ERN1: variants seen among roughly 807,000 people sequenced by gnomAD.
ERN1 encodes the protein endoplasmic reticulum to nucleus signaling 1.
Under a neutral mutation model 113.1 loss-of-function variants are expected in ERN1, and 39 were observed. The ratio of observed to expected loss-of-function variants is 0.34; its 90% CI spans 0.27 to 0.45. ERN1 has a LOEUF of 0.45. ERN1 is among the 20% of genes least tolerant of loss of function. The pLI is 1.00. For missense variants in ERN1, 976 were observed against 1,274.8 expected (o/e 0.77, Z 3.57); for synonymous variants, 507 against 515.9 (o/e 0.98, Z 0.23).
chr17:64,124,903 T>C (rs1390637414), intron 1 of ERN1, among the ~76,000 whole-genome samples: 1 of 152,194 alleles, frequency 6.6e-6, no homozygotes, highest in East Asian at 1.9e-4. Flanking sequence ...ATTCCATTTA[T>C]ATAAGAGGTC....
At chr17:64,127,772 A>G (rs1421148017) in intron 1 of ERN1, among the ~76,000 whole-genome samples, 2 of 151,410 alleles carry the variant, frequency 1.3e-5, no homozygotes, top group Admixed American at 6.6e-5. Flanking sequence ...AAAAAAAAAA[A>G]AAGAAGTAGT....
intron 2 of ERN1, among the ~76,000 whole-genome samples, chr17:64,097,586 G>C (rs1914264446): frequency 6.6e-6 from 1 of 152,168 alleles, no homozygotes; most frequent in African/African-American, 2.4e-5. Context: ...AGGAAGATCA[G>C]ATCATAACAT....
intron 2 of ERN1, among the ~76,000 whole-genome samples, chr17:64,083,132 G>A (rs753874793): frequency 2.0e-5 from 3 of 152,032 alleles, no homozygotes; most frequent in Non-Finnish European, 4.4e-5. Flanking sequence ...ATTATACGGG[G>A]GGCGGGGAGG....
chr17:64,081,479 G>A (rs1024855275), intron 2 of ERN1, among the ~76,000 whole-genome samples: 1 of 152,100 alleles, frequency 6.6e-6, no homozygotes, highest in Non-Finnish European at 1.5e-5. Context: ...TGTCCACTTG[G>A]CAAAAAATTA....
rs957807312 is a variant in ERN1, at chr17:64,088,323, C to T, written c.176-7515G>A. Among the ~76,000 whole-genome samples, 3 of 152,184 alleles carry T rather than the reference C, an allele frequency of 2.0e-5. No homozygotes were observed. In the East Asian group the frequency reaches 5.8e-4, roughly 29 times the overall value. On this transcript the variant is annotated intron_variant, in intron 2 of 21. Coordinates refer to ENST00000433197, the MANE Select transcript of ERN1 (RefSeq NM_001433.5). Reference sequence around the variant, plus strand: ...ACCCCCATAACGCAGCAATGGAAATCAGCTCTCTCTTCTGCACAACTAAGA... The same window carrying T: ...ACCCCCATAACGCAGCAATGGAAATTAGCTCTCTCTTCTGCACAACTAAGA...
chr17:64,060,348 T>C, intron 11 of ERN1, 121 bp downstream of exon 11: 2 of 687,566 alleles, frequency 2.9e-6, no homozygotes, highest in Non-Finnish European at 5.3e-6. Context: ...CTTTGGATTC[T>C]GGTGCATTCC....
chr17:64,125,552 G>A (rs910488924), intron 1 of ERN1, among the ~76,000 whole-genome samples: 2 of 152,106 alleles, frequency 1.3e-5, no homozygotes, highest in African/African-American at 4.8e-5. Context: ...GCAGTGGTGT[G>A]ATCTCAGCTC....
intron 2 of ERN1, among the ~76,000 whole-genome samples, chr17:64,093,579 C>T (rs920983138): frequency 1.3e-5 from 2 of 152,158 alleles, no homozygotes; most frequent in African/African-American, 2.4e-5. Flanking sequence ...GGCTTGCAGA[C>T]GGCCACCTTC....
chr17:64,087,103 C>T (rs776768940), intron 2 of ERN1, among the ~76,000 whole-genome samples: 2 of 152,148 alleles, frequency 1.3e-5, no homozygotes, highest in Non-Finnish European at 2.9e-5. Context: ...CTAGGTTCTT[C>T]CCCCAGGAAG....
At chr17:64,048,031 C>T (rs778300790) in intron 18 of ERN1, 46 bp from the exon 19 acceptor site, 9 of 1,549,114 alleles carry the variant, frequency 5.8e-6, no homozygotes, top group Admixed American at 1.9e-5. Context: ...AGTCCAAAGC[C>T]ACAGTGAAAT....
At chr17:64,101,751 TAAG>T (rs1410957317) in intron 1 of ERN1, among the ~76,000 whole-genome samples, 1 of 152,154 alleles carries the variant, frequency 6.6e-6, no homozygotes, top group African/African-American at 2.4e-5. Flanking sequence ...CATCCAAGAA[TAAG>T]AAGAGTTTGC....
intron 1 of ERN1, chr17:64,129,563 GCGGCCCCCGCCAGGCAGCGC>G (rs1252587233): frequency 1.1e-5 from 4 of 350,542 alleles, no homozygotes; most frequent in Non-Finnish European, 1.5e-5. Flanking sequence ...CGGCTCCTCC[GCGGCCCCCGCCAGGCAGCGC>G]CGGCGCCCGC....
At chr17:64,083,800 C>T (rs568028771) in intron 2 of ERN1, among the ~76,000 whole-genome samples, 1 of 152,284 alleles carries the variant, frequency 6.6e-6, no homozygotes, top group Non-Finnish European at 1.5e-5. Context: ...CAGGAACTGA[C>T]ATCCTGGGTG....
intron 1 of ERN1, among the ~76,000 whole-genome samples, chr17:64,118,198 C>A (rs138404795): frequency 3.9e-5 from 6 of 152,080 alleles, no homozygotes; most frequent in African/African-American, 1.4e-4. Context: ...TTTCTGGTTC[C>A]GTTGCTTTGT....
chr17:64,109,948 T>C (rs1914630263), intron 1 of ERN1, among the ~76,000 whole-genome samples: 1 of 152,188 alleles, frequency 6.6e-6, no homozygotes, highest in Non-Finnish European at 1.5e-5. Context: ...CACTTTGATA[T>C]GAGGGTTGGA....
intron 1 of ERN1, among the ~76,000 whole-genome samples, chr17:64,126,726 C>T (rs934132058): frequency 2.6e-5 from 4 of 152,072 alleles, no homozygotes; most frequent in Admixed American, 2.0e-4. Flanking sequence ...CACTTGATAT[C>T]GCCTATTAGG....
intron 1 of ERN1, among the ~76,000 whole-genome samples, chr17:64,100,626 C>T (rs1328482250): frequency 6.6e-6 from 1 of 152,006 alleles, no homozygotes; most frequent in African/African-American, 2.4e-5. Flanking sequence ...CAAAAATTAG[C>T]CAGGCATGGT....
intron 1 of ERN1, among the ~76,000 whole-genome samples, chr17:64,114,986 T>G (rs1914767204): frequency 6.6e-6 from 1 of 152,114 alleles, no homozygotes; most frequent in Middle Eastern, 3.2e-3. Context: ...GGGGGAGCCA[T>G]TTCTCTGACT....
chr17:64,094,132 C>T (rs1914163871), intron 2 of ERN1, among the ~76,000 whole-genome samples: 1 of 152,188 alleles, frequency 6.6e-6, no homozygotes, highest in Non-Finnish European at 1.5e-5. Context: ...CACAAATGTA[C>T]TTTTTCATAA....
Sources: gnomAD v4.1 joint callset for allele counts (sites outside exome capture counted in the v4.1 genomes callset) on GRCh38, gnomAD v4.1.1 for gene constraint, MANE v1.5 for transcripts, NCBI Gene and HGNC (gene_info 2026-07-23, HGNC 2026-07-21) for gene names.